The following KCTD1 variants were observed in gnomAD, a reference collection of about 807,000 sequenced individuals.
The protein encoded by KCTD1 is BTB/POZ domain-containing protein KCTD1.
A neutral mutation model predicts 66.0 loss-of-function variants in KCTD1; 24 were observed. The ratio of observed to expected loss-of-function variants is 0.36; its 90% CI spans 0.26 to 0.51. KCTD1 has a LOEUF of 0.51. KCTD1 is among the 20% of genes least tolerant of loss of function. The pLI is 0.95. For synonymous variants in KCTD1, 511 were observed against 517.2 expected, an observed-to-expected ratio of 0.99 and a Z score of 0.16; for missense variants, 943 against 1,205.2, an observed-to-expected ratio of 0.78 and a Z score of 3.22.
At chr18:26,657,196 G>A (rs1293662138) in intron 1 of KCTD1, among the ~76,000 whole-genome samples, 2 of 151,892 alleles carry the variant, frequency 1.3e-5, no homozygotes, top group African/African-American at 2.4e-5. Context: ...GCCCCGCCGC[G>A]GGTCCAAGCG....
intron 1 of KCTD1, among the ~76,000 whole-genome samples, chr18:26,647,656 C>T (rs532062375): frequency 7.3e-4 from 110 of 151,458 alleles, no homozygotes; most frequent in Non-Finnish European, 9.0e-4. Context: ...CCTTAGACTC[C>T]AGATCCTAAA....
chr18:26,606,795 G>A (rs372547058), intron 1 of KCTD1, among the ~76,000 whole-genome samples: 43 of 152,312 alleles, frequency 2.8e-4, no homozygotes, highest in African/African-American at 1.0e-3. Context: ...ACATAGACTC[G>A]TGTAACATAA....
intron 4 of KCTD1, 66 bp from the exon 5 acceptor site, chr18:26,455,967 C>CAA: frequency 2.6e-6 from 4 of 1,514,988 alleles, no homozygotes; most frequent in Non-Finnish European, 3.6e-6. Context: ...ATAAACACCC[C>CAA]AAAGTTTGAG....
chr18:26,602,967 C>G (rs2144973839), intron 1 of KCTD1, among the ~76,000 whole-genome samples: 2 of 152,256 alleles, frequency 1.3e-5, no homozygotes, highest in African/African-American at 4.8e-5. Context: ...AGAAATAAGG[C>G]CACACATCTA....
chr18:26,471,991 A>G (rs2144585498), intron 3 of KCTD1, among the ~76,000 whole-genome samples: 1 of 152,214 alleles, frequency 6.6e-6, no homozygotes, highest in African/African-American at 2.4e-5. Flanking sequence ...CTGACAGATC[A>G]CACGTGGGAG....
intron 2 of KCTD1, among the ~76,000 whole-genome samples, chr18:26,478,857 A>T (rs1045951923): frequency 1.3e-4 from 20 of 152,218 alleles, no homozygotes; most frequent in African/African-American, 4.3e-4. Context: ...GAACTCAAAA[A>T]ATGCACAGCA....
chr18:26,472,125 G>A (rs1370810182), intron 3 of KCTD1, among the ~76,000 whole-genome samples: 2 of 152,152 alleles, frequency 1.3e-5, no homozygotes, highest in African/African-American at 4.8e-5. Context: ...CTTGGTGGTG[G>A]TGGTGGCAGA....
At chr18:26,588,656 G>T (rs1406478231) in intron 1 of KCTD1, among the ~76,000 whole-genome samples, 1 of 152,144 alleles carries the variant, frequency 6.6e-6, no homozygotes, top group African/African-American at 2.4e-5. Flanking sequence ...TTTCTTGGAG[G>T]CTGGGCTGTC....
At chr18:26,473,282 C>T (rs1160096905) in intron 3 of KCTD1, among the ~76,000 whole-genome samples, 1 of 152,006 alleles carries the variant, frequency 6.6e-6, no homozygotes, top group Non-Finnish European at 1.5e-5. Flanking sequence ...AAGCTGGAAG[C>T]CATTATCCTC....
intron 1 of KCTD1, among the ~76,000 whole-genome samples, chr18:26,538,042 T>G (rs1488466630): frequency 4.0e-5 from 6 of 151,050 alleles, no homozygotes; most frequent in African/African-American, 1.2e-4. Flanking sequence ...AGGTCAGGAG[T>G]TTGAGACCAG....
chr18:26,572,836 C>CT (rs946700987), intron 1 of KCTD1, among the ~76,000 whole-genome samples: 25 of 152,150 alleles, frequency 1.6e-4, no homozygotes, highest in Admixed American at 3.9e-4. Flanking sequence ...GCAGGTCAAA[C>CT]TAGTGTAGGA....
At chr18:26,646,170 A>G (rs1218632300) in intron 1 of KCTD1, among the ~76,000 whole-genome samples, 1 of 152,276 alleles carries the variant, frequency 6.6e-6, no homozygotes, top group South Asian at 2.1e-4. Flanking sequence ...AACAAAAATG[A>G]TATTGGATTG....
chr18:26,488,233 A>C (rs556264996), intron 2 of KCTD1, among the ~76,000 whole-genome samples: 1 of 152,084 alleles, frequency 6.6e-6, no homozygotes, highest in African/African-American at 2.4e-5. Flanking sequence ...TTGATACAAC[A>C]ACCTTTATTC....
At chr18:26,472,696 G>C (rs1188735821) in intron 3 of KCTD1, among the ~76,000 whole-genome samples, 1 of 152,348 alleles carries the variant, frequency 6.6e-6, no homozygotes, top group South Asian at 2.1e-4. Context: ...GACGTTGGTG[G>C]CTCAGGTTGG....
chr18:26,529,545 A>T (rs1363775978), intron 1 of KCTD1, among the ~76,000 whole-genome samples: 1 of 152,210 alleles, frequency 6.6e-6, no homozygotes, highest in African/African-American at 2.4e-5. Context: ...CACCCCCAGA[A>T]GTTAAAACAG....
Position 26,493,787 on chromosome 18 carries a change from AG to A in KCTD1, c.1988+7284del, listed in dbSNP as rs1283861476. On this transcript the variant is annotated intron_variant, in intron 2 of 4. Transcript: ENST00000580059. ...TCACTGTGTTGTGCTATCAAATACT[AG>A]GTCTTACTCGTTCTTTCTAGATACT... is the stretch of plus-strand genomic sequence containing the variant. Among the ~76,000 whole-genome samples, 3 of 152,196 alleles carry A rather than the reference AG, an allele frequency of 2.0e-5. No individual in the cohort carries two copies. In the South Asian group the frequency reaches 6.2e-4, roughly 32 times the overall value.
At chr18:26,489,558 A>G (rs904219563) in intron 2 of KCTD1, among the ~76,000 whole-genome samples, 1 of 152,074 alleles carries the variant, frequency 6.6e-6, no homozygotes, top group African/African-American at 2.4e-5. Flanking sequence ...TTTTCTTTCA[A>G]TCCTGAATAT....
intron 1 of KCTD1, among the ~76,000 whole-genome samples, chr18:26,516,134 TG>T (rs1294533830): frequency 6.6e-6 from 1 of 151,248 alleles, no homozygotes; most frequent in Non-Finnish European, 1.5e-5. Flanking sequence ...GAAAGGACAG[TG>T]GTGTGGGAGG....
rs556965584 is a variant in KCTD1, at chr18:26,650,667, G to A, written c.9+6693C>T. On this transcript the variant is annotated intron_variant, in intron 1 of 4. Transcript: ENST00000580191. The stretch of plus-strand genomic sequence containing the variant: ...TGGGGTGGTGGGAATGGATGGGTAG[G>A]ATAGAGAAGGATCAGTACCATGGAC... 3.3e-5 allele frequency among the ~76,000 whole-genome samples: 5 copies of A among 152,312 alleles called. No individual in the cohort carries two copies. The East Asian group carries it at 9.6e-4, about 29-fold the overall frequency.
Sources: allele counts gnomAD v4.1 joint callset (sites outside exome capture counted in the v4.1 genomes callset), GRCh38; gene constraint gnomAD v4.1.1; transcripts MANE v1.5; gene names NCBI Gene and HGNC (gene_info 2026-07-23, HGNC 2026-07-21).